Variants in TASP1 observed in about 807,000 individuals in gnomAD.
The protein encoded by TASP1 is threonine aspartase 1.
TASP1 carries 16 observed loss-of-function variants against 56.6 expected under a neutral mutation model. That is an observed-to-expected ratio of 0.28 (90% CI 0.19 to 0.43). The LOEUF (loss-of-function observed/expected upper bound fraction) is 0.43, where lower values mean the gene tolerates loss of function less well. Among genes scored for constraint, TASP1 ranks in the 20% least tolerant of loss-of-function variants. TASP1 has a pLI of 1.00. For synonymous variants in TASP1, 179 were observed against 184.2 expected, an observed-to-expected ratio of 0.97 and a Z score of 0.23; for missense variants, 393 against 511.6, an observed-to-expected ratio of 0.77 and a Z score of 2.24.
chr20:13,462,390 T>C (rs1455397691), intron 11 of TASP1, among the ~76,000 whole-genome samples: 2 of 152,310 alleles, frequency 1.3e-5, no homozygotes, highest in East Asian at 3.9e-4. Context: ...GACTGCTATA[T>C]GGGACAGCAT....
At chr20:13,321,275 A>AAAAAAAAAAAAAAAAAAAAAAT in the TASP1 span, among the ~76,000 whole-genome samples, 3 of 150,524 alleles carry the variant, frequency 2.0e-5, no homozygotes, top group African/African-American at 7.3e-5. Context: ...AAAAAAAAAA[A>AAAAAAAAAAAAAAAAAAAAAAT]AGATTTTATG....
chr20:13,461,331 CTATT>C (rs1354110142), intron 11 of TASP1, among the ~76,000 whole-genome samples: 3 of 152,114 alleles, frequency 2.0e-5, no homozygotes, highest in Non-Finnish European at 2.9e-5. Flanking sequence ...TAAGTTTTAC[CTATT>C]TATTTATTGT....
the TASP1 span, among the ~76,000 whole-genome samples, chr20:13,151,577 C>T: frequency 6.6e-6 from 1 of 152,138 alleles, no homozygotes; most frequent in African/African-American, 2.4e-5. Flanking sequence ...CAAGCATGGA[C>T]AATTGGGGCA....
chr20:13,505,187 T>G (rs375445872), intron 10 of TASP1, among the ~76,000 whole-genome samples: 1 of 152,260 alleles, frequency 6.6e-6, no homozygotes, highest in African/African-American at 2.4e-5. Flanking sequence ...CAGGTCATTA[T>G]AGAATGATAA....
chr20:13,318,440 G>A, the TASP1 span, among the ~76,000 whole-genome samples: 2 of 152,138 alleles, frequency 1.3e-5, no homozygotes, highest in East Asian at 1.9e-4. Context: ...GAAATTAAAC[G>A]TACGCTTACC....
chr20:13,393,091 A>ATGGTTCT, intron 13 of TASP1: 1 of 619,512 alleles, frequency 1.6e-6, no homozygotes, highest in Non-Finnish European at 3.0e-6. Context: ...CATGAGAAGT[A>ATGGTTCT]TGACAACAGT....
At chr20:13,605,647 C>G (rs913694307) in intron 4 of TASP1, among the ~76,000 whole-genome samples, 13 of 151,846 alleles carry the variant, frequency 8.6e-5, no homozygotes, top group African/African-American at 3.1e-4. Context: ...CCACTGCGCT[C>G]CAGCCTGGGC....
intron 8 of TASP1, among the ~76,000 whole-genome samples, chr20:13,558,427 A>G (rs1465051071): frequency 6.6e-6 from 1 of 152,206 alleles, no homozygotes. Context: ...TGTAAGAACC[A>G]AAACAGTAGC....
At chr20:13,336,723 C>T in the TASP1 span, among the ~76,000 whole-genome samples, 1 of 151,842 alleles carries the variant, frequency 6.6e-6, no homozygotes, top group Non-Finnish European at 1.5e-5. Flanking sequence ...GCCCTGATGT[C>T]AATGTTTTCT....
At chr20:13,224,397 C>A in the TASP1 span, among the ~76,000 whole-genome samples, 2 of 152,142 alleles carry the variant, frequency 1.3e-5, no homozygotes, top group Non-Finnish European at 2.9e-5. Context: ...TTTTCAGGCC[C>A]CAGAAAGTGA....
chr20:13,618,053 T>C (rs1016096256), intron 4 of TASP1, among the ~76,000 whole-genome samples: 2 of 151,868 alleles, frequency 1.3e-5, no homozygotes, highest in African/African-American at 4.8e-5. Flanking sequence ...TGGGGTCCGC[T>C]CACAATGAAC....
intron 2 of TASP1, among the ~76,000 whole-genome samples, chr20:13,628,895 T>C (rs1261943604): frequency 6.6e-6 from 1 of 152,192 alleles, no homozygotes; most frequent in East Asian, 1.9e-4. Flanking sequence ...CCACTGTGTC[T>C]GTCCTCATGG....
intron 11 of TASP1, among the ~76,000 whole-genome samples, chr20:13,451,167 C>G (rs1358242841): frequency 6.6e-6 from 1 of 152,110 alleles, no homozygotes; most frequent in Admixed American, 6.6e-5. Flanking sequence ...AACAGATGTG[C>G]TGTCATCTAG....
chr20:13,619,591 C>G (rs978165345), intron 4 of TASP1, among the ~76,000 whole-genome samples: 5 of 152,318 alleles, frequency 3.3e-5, no homozygotes, highest in East Asian at 1.9e-4. Flanking sequence ...ATTCACATCA[C>G]AAGTTACACC....
chr20:13,129,965 G>C, the TASP1 span, among the ~76,000 whole-genome samples: 1 of 152,126 alleles, frequency 6.6e-6, no homozygotes, highest in Non-Finnish European at 1.5e-5. Context: ...AGAATGCTAT[G>C]TGTATGGTCT....
At chr20:13,615,458 AAGAG>A (rs1374374360) in intron 4 of TASP1, among the ~76,000 whole-genome samples, 1 of 152,080 alleles carries the variant, frequency 6.6e-6, no homozygotes, top group East Asian at 1.9e-4. Context: ...ACATGAAAGA[AAGAG>A]AGAGAGGAGA....
At chr20:13,327,979 G>A in the TASP1 span, among the ~76,000 whole-genome samples, 15 of 151,924 alleles carry the variant, frequency 9.9e-5, no homozygotes, top group Middle Eastern at 3.2e-3. Context: ...ACTAAAGAGC[G>A]ACTGCACAGC....
chr20:13,413,490 C>T (rs6109866), intron 13 of TASP1, among the ~76,000 whole-genome samples: 9,659 of 152,086 alleles, frequency 0.064, 454 homozygotes, highest in African/African-American at 0.13. Flanking sequence ...AAGGAACTAT[C>T]ATAGAAATAT....
intron 1 of TASP1, among the ~76,000 whole-genome samples, chr20:13,631,367 G>T (rs1177793468): frequency 6.6e-6 from 1 of 152,060 alleles, no homozygotes; most frequent in Non-Finnish European, 1.5e-5. Context: ...GTTTTGTGGT[G>T]GTGTGTTTTG....
Sources: gnomAD v4.1 joint callset for allele counts (sites outside exome capture counted in the v4.1 genomes callset) on GRCh38, gnomAD v4.1.1 for gene constraint, MANE v1.5 for transcripts, NCBI Gene and HGNC (gene_info 2026-07-23, HGNC 2026-07-21) for gene names.